C12orf56: variants seen among roughly 807,000 people sequenced by gnomAD.
The protein encoded by C12orf56 is chromosome 12 open reading frame 56.
In C12orf56, 71 loss-of-function variants were observed where a neutral mutation model predicts 69.9. The observed-to-expected ratio is 1.02, with a 90% CI of 0.84 to 1.24. C12orf56 has a LOEUF of 1.24. Among genes scored for constraint, C12orf56 ranks in the 50% most tolerant of loss-of-function variants. C12orf56 has a pLI of 0.00. For missense variants in C12orf56, 732 were observed against 738.5 expected, an observed-to-expected ratio of 0.99 and a Z score of 0.10; for synonymous variants, 276 against 274.1, an observed-to-expected ratio of 1.01 and a Z score of -0.07.
At chr12:64,353,131 A>G in intron 1 of C12orf56, 75 bp from the exon 2 acceptor site, 1 of 1,432,544 alleles carries the variant, frequency 7.0e-7, no homozygotes, top group Non-Finnish European at 9.6e-7. Flanking sequence ...AAATCCCCCA[A>G]AGCTAACAGC....
intron 1 of C12orf56, among the ~76,000 whole-genome samples, chr12:64,359,376 T>G (rs1194344910): frequency 6.6e-6 from 1 of 152,194 alleles, no homozygotes; most frequent in East Asian, 1.9e-4. Context: ...AATGTGTATG[T>G]TTTTCTCTTG....
chr12:64,335,747 C>T (rs1027786842), intron 2 of C12orf56, among the ~76,000 whole-genome samples: 2 of 152,104 alleles, frequency 1.3e-5, no homozygotes, highest in African/African-American at 4.8e-5. Context: ...AATTAGGAAT[C>T]CTGTTAAAAA....
chr12:64,315,722 AG>A, intron 4 of C12orf56, among the ~76,000 whole-genome samples: 1 of 152,314 alleles, frequency 6.6e-6, no homozygotes, highest in South Asian at 2.1e-4. Flanking sequence ...ACCTGAAGTC[AG>A]GAGTTCAAGA....
At chr12:64,301,939 G>A (rs1255659563) in intron 6 of C12orf56, among the ~76,000 whole-genome samples, 1 of 152,098 alleles carries the variant, frequency 6.6e-6, no homozygotes, top group Non-Finnish European at 1.5e-5. Context: ...TGTGATTAGT[G>A]GAGAGCCTTA....
Position 64,380,122 on chromosome 12 carries a change from AAAAAAAAAAAAAC to A in C12orf56, c.252+10179_252+10191del, listed in dbSNP as rs1429601714. The stretch of plus-strand genomic sequence containing the variant: ...TCCGTCGCAAAAAAAAAAAAAAAAA[AAAAAAAAAAAAAC>A]AAAACAAACAAAAAAAAACGCACAA... On this transcript the variant is annotated intron_variant, in intron 1 of 12. Coordinates refer to ENST00000543942, the MANE Select transcript of C12orf56 (RefSeq NM_001170633.2). 1.6e-3 allele frequency among the ~76,000 whole-genome samples: 151 copies of A among 92,916 alleles called. 5 individuals carry two copies. The highest frequency in any genetic ancestry group is 4.9e-3 in the African/African-American group (141 of 28,656). The allele number at this position is 92,916 out of a possible 152,430, so 61.0% of individuals were successfully genotyped here.
At chr12:64,323,850 G>A (rs1227581624) in intron 3 of C12orf56, among the ~76,000 whole-genome samples, 2 of 152,094 alleles carry the variant, frequency 1.3e-5, no homozygotes, top group Non-Finnish European at 2.9e-5. Flanking sequence ...TTTCTAAATT[G>A]GAGGAAAACA....
chr12:64,376,266 G>A (rs920055934), intron 1 of C12orf56, among the ~76,000 whole-genome samples: 5 of 152,112 alleles, frequency 3.3e-5, no homozygotes, highest in Non-Finnish European at 7.3e-5. Context: ...GACAACTTTT[G>A]GCAGGGAAAA....
rs749484643 is a variant in C12orf56 at position 64,270,579 on chromosome 12, T to A, written c.1720A>T (p.Thr574Ser). The A allele has an allele frequency of 1.2e-6, 2 of 1,611,950 alleles. No homozygotes were observed. The highest frequency in any genetic ancestry group is 1.3e-5 in the African/African-American group (1 of 74,966). ...TTATTCCTAATATACTCAGCTAGAG[T>A]CCTGCTGTGCCGCAGACAGCTCTTG... ...ILKSCLRHSR[T>S]LAEYIRNNYR... Residue 574 changes from threonine to serine, a missense_variant, in exon 12 of 13, where the codon ACT becomes TCT. Thr to Ser is a moderately conservative substitution (Grantham distance 58, BLOSUM62 1). Transcript: ENST00000543942.
intron 5 of C12orf56, among the ~76,000 whole-genome samples, chr12:64,306,856 G>A (rs906657114): frequency 2.0e-5 from 3 of 152,190 alleles, no homozygotes; most frequent in Non-Finnish European, 4.4e-5. Context: ...CTGTGACACA[G>A]TTCTAAATTG....
rs550766805 is a variant in C12orf56, at chr12:64,266,970, G to A, written c.*213C>T. ...TGGCTCTTTTGCCCAATGGCATAAA[G>A]ATCTTTGCACACTTATAATAAATCA... On this transcript the variant is annotated 3_prime_UTR_variant, in exon 13 of 13. Transcript: ENST00000543942. The A allele has an allele frequency of 1.3e-5, 6 of 463,492 alleles. No individual in the cohort carries two copies. In the South Asian group the frequency reaches 2.4e-4, roughly 18 times the overall value. 28.7% of individuals were successfully genotyped at this position (463,492 alleles called of 1,614,324 possible).
intron 3 of C12orf56, among the ~76,000 whole-genome samples, chr12:64,327,996 TTCC>T (rs2038865621): frequency 6.6e-6 from 1 of 152,086 alleles, no homozygotes; most frequent in Admixed American, 6.6e-5. Flanking sequence ...AAAAATAAAC[TTCC>T]TAAGCCATTT....
chr12:64,346,432 C>T (rs1212999537), intron 2 of C12orf56, among the ~76,000 whole-genome samples: 2 of 152,150 alleles, frequency 1.3e-5, no homozygotes, highest in African/African-American at 4.8e-5. Flanking sequence ...ATGTTAATCT[C>T]CTTTGACAAC....
chr12:64,369,911 A>G (rs1341076865), intron 1 of C12orf56, among the ~76,000 whole-genome samples: 1 of 149,118 alleles, frequency 6.7e-6, no homozygotes, highest in Non-Finnish European at 1.5e-5. Context: ...TGAACCCAGG[A>G]GGTGGAGGTT....
Position 64,353,053 on chromosome 12 carries a change from C to T in C12orf56, c.256G>A (p.Asp86Asn), listed in dbSNP as rs73118352. ...LRDVVAIDLI[D>N]DYPEFLSSPD... Reference sequence around the variant, plus strand: ...GAACTCAAAAATTCCGGGTAATCATCAATCTGGAAAAAAAATTAATTCACC... The same window carrying T: ...GAACTCAAAAATTCCGGGTAATCATTAATCTGGAAAAAAAATTAATTCACC... The change falls in exon 2 of 13, where the codon GAT becomes AAT. Residue 86 changes from aspartate to asparagine, a missense_variant. Asp to Asn is a conservative substitution (Grantham distance 23). Coordinates refer to ENST00000543942, the MANE Select transcript of C12orf56 (RefSeq NM_001170633.2). The T allele has an allele frequency of 0.12, 197,028 of 1,607,848 alleles. 12,981 individuals are homozygous for T. Among genetic ancestry groups the T allele is most frequent in the East Asian group, 0.25 (11,393 of 44,726 alleles).
intron 1 of C12orf56, among the ~76,000 whole-genome samples, chr12:64,361,061 A>G (rs6581554): frequency 0.36 from 55,258 of 151,806 alleles, 11,186 homozygotes; most frequent in Non-Finnish European, 0.47. Context: ...TCTACTAAAA[A>G]TACAAAAATG....
At chr12:64,305,148 C>A (rs1220367434) in intron 5 of C12orf56, among the ~76,000 whole-genome samples, 1 of 151,940 alleles carries the variant, frequency 6.6e-6, no homozygotes, top group Non-Finnish European at 1.5e-5. Flanking sequence ...AAAATGGTCT[C>A]TTTTCTAGCG....
intron 6 of C12orf56, among the ~76,000 whole-genome samples, chr12:64,286,720 T>C (rs541693562): frequency 4.9e-4 from 75 of 152,318 alleles, no homozygotes; most frequent in African/African-American, 1.7e-3. Context: ...GTAATGTAAT[T>C]GCTTTTCTTT....
At position 64,275,116 on chromosome 12, in the gene C12orf56, TAA is replaced by T. The variant is rs573511661; in HGVS notation, c.1510-143_1510-142del. On this transcript the variant is annotated intron_variant, in intron 10 of 12. Coordinates refer to ENST00000543942, the MANE Select transcript of C12orf56 (RefSeq NM_001170633.2). ...TTGGAAAATAAACTAGATGAGCACT[TAA>T]GAGCAAAGTTCATATCATTGAAATC... 206 of 838,090 alleles carry T rather than the reference TAA, an allele frequency of 2.5e-4. No homozygotes were observed. The African/African-American group carries it at 3.3e-3, about 13-fold the overall frequency. The allele number at this position is 838,090 out of a possible 1,614,324, so 51.9% of individuals were successfully genotyped here.
intron 2 of C12orf56, among the ~76,000 whole-genome samples, chr12:64,334,648 G>A (rs555808822): frequency 4.1e-4 from 63 of 152,106 alleles, no homozygotes; most frequent in Non-Finnish European, 8.5e-4. Context: ...TCAATCTTCT[G>A]TTGGCTGAAT....
Sources: allele counts gnomAD v4.1 joint callset (sites outside exome capture counted in the v4.1 genomes callset), GRCh38; gene constraint gnomAD v4.1.1; transcripts MANE v1.5; gene names NCBI Gene and HGNC (gene_info 2026-07-23, HGNC 2026-07-21).